PRG4: variants seen among roughly 807,000 people sequenced by gnomAD.
The protein encoded by PRG4 is articular superficial zone protein.
PRG4 carries 61 observed loss-of-function variants against 91.2 expected under a neutral mutation model. That is an observed-to-expected ratio of 0.67 (90% CI 0.54 to 0.83). PRG4 has a LOEUF of 0.83. Ranked by LOEUF, PRG4 falls within the 40% of genes least tolerant of loss-of-function variation. The probability of loss-of-function intolerance (pLI) is 0.00; values close to 1 mark genes in which losing one functional copy is unlikely to be tolerated. For missense variants in PRG4, 1,564 were observed against 1,714.2 expected (o/e 0.91, Z 1.55); for synonymous variants, 576 against 614.2 (o/e 0.94, Z 0.92).
rs768053349 is a variant in PRG4, at chr1:186,309,828, GGACT to G, written c.3462_3465del (p.Thr1155LeufsTer7). On this transcript the variant is annotated frameshift_variant, in exon 8 of 13. Transcript: ENST00000445192. LOFTEE classifies it high-confidence loss of function. ...TATATGCAATGGTAAGCCAGTAGAT[GGACT>G]GACTACTTTGCGCAATGGGACATTA... 3.2e-5 allele frequency: 52 copies of G among 1,613,730 alleles called. No individual in the cohort carries two copies. The highest frequency in any genetic ancestry group is 1.2e-4 in the South Asian group (11 of 91,074).
At chr1:186,309,204 A>C in intron 7 of PRG4, 64 bp downstream of exon 7, 7 of 1,497,468 alleles carry the variant, frequency 4.7e-6, no homozygotes, top group Non-Finnish European at 6.4e-6. Context: ...TATCTGAACC[A>C]GAATGCCTTA....
chr1:186,312,584 T>A (rs1657346974), intron 11 of PRG4, 185 bp from the exon 12 acceptor site: 1 of 784,282 alleles, frequency 1.3e-6, no homozygotes. Context: ...TGTTCAGGTT[T>A]GTTAGTTATA....
At chr1:186,302,701 G>A (rs1240046047) in intron 4 of PRG4, among the ~76,000 whole-genome samples, 1 of 152,100 alleles carries the variant, frequency 6.6e-6, no homozygotes, top group East Asian at 1.9e-4. Context: ...AAACCTTAGA[G>A]CTCACCCTTC....
chr1:186,311,010 C>G (rs748503194), intron 8 of PRG4, 24 bp from the exon 9 acceptor site: 1 of 1,613,492 alleles, frequency 6.2e-7, no homozygotes, highest in African/African-American at 1.3e-5. Context: ...AGCTTGTAGG[C>G]TGATGTCTTT....
At chr1:186,305,568 G>A (rs1289998487) in intron 6 of PRG4, among the ~76,000 whole-genome samples, 1 of 152,120 alleles carries the variant, frequency 6.6e-6, no homozygotes, top group Non-Finnish European at 1.5e-5. Context: ...TTTGGATAAG[G>A]GAGTTTTAAA....
chr1:186,311,708 T>C lies in PRG4; in HGVS notation c.3793+112T>C, dbSNP rs1382531458. 6 of 1,181,332 alleles carry C rather than the reference T, an allele frequency of 5.1e-6. No homozygotes were observed. The Admixed American group carries it at 6.3e-5, about 12-fold the overall frequency. The allele number at this position is 1,181,332 out of a possible 1,614,324, so 73.2% of individuals were successfully genotyped here. ...GATATCTTTAATGGCTGAAATCAAA[T>C]ATTTTCAGTGAAAAAAATCAATATT... On this transcript the variant is annotated intron_variant, in intron 10 of 12. Transcript: ENST00000445192.
chr1:186,311,643 C>A (rs766759179), intron 10 of PRG4, 47 bp downstream of exon 10: 13 of 1,547,442 alleles, frequency 8.4e-6, no homozygotes, highest in African/African-American at 1.4e-5. Context: ...TAAAGAATTA[C>A]ACTCAGCATT....
At position 186,311,120 on chromosome 1, in the gene PRG4, G is replaced by C; in HGVS notation, c.3586G>C (p.Asp1196His). The change falls in exon 9 of 13, where the codon GAT (aspartate) becomes CAT (histidine). Residue 1196 changes from aspartate to histidine, a missense_variant. Asp to His is a moderately conservative substitution (Grantham distance 81, BLOSUM62 -1). This residue lies in a region of PRG4 where 1,079 missense variants were observed against 1,162.2 expected (regional missense o/e 0.93). Coordinates refer to ENST00000445192, the MANE Select transcript of PRG4 (RefSeq NM_005807.6). ...TEVWGIPSPIDTVFTRCNCEG... is the reference protein window; with the variant it reads ...TEVWGIPSPIHTVFTRCNCEG... Reference sequence around the variant, plus strand: ...AGTTTGGGGTATTCCTTCCCCCATTGATACTGTTTTTACTAGGTGCAACTG... The same window carrying C: ...AGTTTGGGGTATTCCTTCCCCCATTCATACTGTTTTTACTAGGTGCAACTG... 1 of 1,613,400 alleles carries C rather than the reference G, an allele frequency of 6.2e-7. No homozygotes were observed. Among genetic ancestry groups the C allele is most frequent in the African/African-American group, 1.3e-5 (1 of 75,004 alleles).
intron 6 of PRG4, 145 bp downstream of exon 6, chr1:186,305,067 A>C: frequency 1.0e-6 from 1 of 985,444 alleles, no homozygotes; most frequent in Non-Finnish European, 1.5e-6. Context: ...AAAGTACCAA[A>C]TGAATACTTC....
intron 6 of PRG4, 97 bp downstream of exon 6, chr1:186,305,019 A>G: frequency 7.8e-7 from 1 of 1,278,854 alleles, no homozygotes; most frequent in Non-Finnish European, 1.1e-6. Flanking sequence ...GGACATCTTA[A>G]TATGGGGGGG....
chr1:186,314,130 T>C lies in PRG4; in HGVS notation c.*352T>C. The C allele has an allele frequency of 9.3e-7, 1 of 1,078,076 alleles. No homozygotes were observed. Among genetic ancestry groups the C allele is most frequent in the African/African-American group, 1.6e-5 (1 of 63,236 alleles). The allele number at this position is 1,078,076 out of a possible 1,614,324, so 66.8% of individuals were successfully genotyped here. A position where few individuals can be genotyped will look rare whatever the true frequency, so the allele number is the denominator to read the frequency against. ...ATAAAAAATATCTAGGCATTGTGGA[T>C]ATAAAACTGTTGGGTATTCTACAAC... is the stretch of plus-strand genomic sequence containing the variant. On this transcript the variant is annotated 3_prime_UTR_variant, in exon 13 of 13. Transcript: ENST00000445192.
At chr1:186,313,027 GAA>G (rs1266747506) in intron 12 of PRG4, 133 bp downstream of exon 12, 10 of 983,404 alleles carry the variant, frequency 1.0e-5, no homozygotes, top group East Asian at 5.0e-5. Flanking sequence ...AATTGCTGTG[GAA>G]AAGAGTTAAG....
intron 3 of PRG4, 69 bp downstream of exon 3, chr1:186,300,282 C>T (rs1301580111): frequency 3.8e-6 from 6 of 1,594,738 alleles, no homozygotes; most frequent in Non-Finnish European, 5.2e-6. Context: ...CCCTTGCACC[C>T]TCGTGCAGTG....
chr1:186,314,429 T>C lies in PRG4; in HGVS notation c.*651T>C, dbSNP rs1373023320. The C allele has an allele frequency of 5.2e-6, 2 of 386,002 alleles. No individual in the cohort carries two copies. Among genetic ancestry groups the C allele is most frequent in the African/African-American group, 4.1e-5 (2 of 48,224 alleles). The allele number at this position is 386,002 out of a possible 1,614,324, so 23.9% of individuals were successfully genotyped here. The stretch of plus-strand genomic sequence containing the variant: ...TCAATAAATATAAAATATAAGCACA[T>C]ATTTATTATATATCTAAGGTATACA... On this transcript the variant is annotated 3_prime_UTR_variant, in exon 13 of 13. Coordinates refer to ENST00000445192, the MANE Select transcript of PRG4 (RefSeq NM_005807.6).
intron 2 of PRG4, among the ~76,000 whole-genome samples, chr1:186,299,280 C>G (rs992037823): frequency 6.6e-6 from 1 of 152,220 alleles, no homozygotes; most frequent in Non-Finnish European, 1.5e-5. Context: ...TAAGGGTTCT[C>G]ACTTCAGCAG....
At chr1:186,309,977 C>A in intron 8 of PRG4, 107 bp downstream of exon 8, 1 of 869,596 alleles carries the variant, frequency 1.1e-6, no homozygotes, top group Non-Finnish European at 2.0e-6. Context: ...GGAGGGGAAT[C>A]TGATTGATAA....
At chr1:186,309,259 T>C (rs1335228335) in intron 7 of PRG4, 119 bp downstream of exon 7, 2 of 1,081,604 alleles carry the variant, frequency 1.8e-6, no homozygotes, top group African/African-American at 3.1e-5. Context: ...CCTTGTTAGC[T>C]TGTGAAGTTT....
Position 186,306,589 on chromosome 1 carries a change from T to A in PRG4, c.870T>A (p.Thr290=). Residue 290 remains threonine, a synonymous_variant, in exon 7 of 13, where the codon ACT becomes ACA. Transcript: ENST00000445192. ...CAACAGTTGAAACTAAAGAAACTAC[T>A]ACAACAAATAAACAGACTTCAACTG... ...KETTVETKET[T]TTNKQTSTDG... 1.9e-6 allele frequency: 3 copies of A among 1,613,358 alleles called. No homozygotes were observed. Among genetic ancestry groups the A allele is most frequent in the Non-Finnish European group, 2.5e-6 (3 of 1,179,628 alleles).
intron 6 of PRG4, among the ~76,000 whole-genome samples, chr1:186,305,405 CTTATATA>C (rs1204616609): frequency 1.3e-5 from 2 of 152,088 alleles, no homozygotes; most frequent in Non-Finnish European, 2.9e-5. Context: ...TTCCTAGTAA[CTTATATA>C]TTATATCTGG....
Sources: gnomAD v4.1 joint callset for allele counts (sites outside exome capture counted in the v4.1 genomes callset) on GRCh38, gnomAD v4.1.1 for gene constraint, gnomAD v4.1.1 regional missense constraint, MANE v1.5 for transcripts, NCBI Gene and HGNC (gene_info 2026-07-23, HGNC 2026-07-21) for gene names.